The following CTRC variants were observed in gnomAD, a reference collection of about 807,000 sequenced individuals.
CTRC encodes chymotrypsin C.
In CTRC, 32 loss-of-function variants were observed where a neutral mutation model predicts 35.7. The ratio of observed to expected loss-of-function variants is 0.90; its 90% confidence interval spans 0.68 to 1.20. The LOEUF is 1.20. Ranked by LOEUF, CTRC falls within the 50% of genes most tolerant of loss-of-function variation. CTRC has a pLI of 0.00. For missense variants in CTRC, 324 were observed against 361.5 expected (o/e 0.90, Z 0.84); for synonymous variants, 119 against 149.5 (o/e 0.80, Z 1.49).
intron 1 of CTRC, 74 bp from the exon 2 acceptor site, chr1:15,440,226 G>GGCCCCCCCCC: frequency 1.3e-5 from 7 of 523,574 alleles, no homozygotes; most frequent in East Asian, 3.8e-5. Flanking sequence ...TCTTCCACCT[G>GGCCCCCCCCC]CCCACCCTCC....
chr1:15,445,871 C>CATTT lies in CTRC; in HGVS notation c.792+126_792+129dup, dbSNP rs1391381680. The CATTT allele has an allele frequency of 3.4e-6, 4 of 1,163,334 alleles. No homozygotes were observed. The African/African-American group carries it at 6.0e-5, about 17-fold the overall frequency. The allele number at this position is 1,163,334 out of a possible 1,614,324, so 72.1% of individuals were successfully genotyped here. ...TCATTCATTTATTCACTCATTCATG[C>CATTT]ATTTATTCACTCATTCATGCATTCA... On this transcript the variant is annotated intron_variant, in intron 7 of 7. Transcript: ENST00000375949.
At chr1:15,446,484 C>G in intron 7 of CTRC, 91 bp from the exon 8 acceptor site, 1 of 1,319,790 alleles carries the variant, frequency 7.6e-7, no homozygotes, top group Non-Finnish European at 1.1e-6. Flanking sequence ...GCTGGCCATG[C>G]CCCCATGGAC....
At position 15,447,694 on chromosome 1, in the gene CTRC, C is replaced by T. The variant is rs1331695738; in HGVS notation, c.*1105C>T. The T allele has an allele frequency of 6.5e-6, 1 of 152,702 alleles. No homozygotes were observed. Among genetic ancestry groups the T allele is most frequent in the Non-Finnish European group, 1.5e-5 (1 of 68,440 alleles). The allele number at this position is 152,702 out of a possible 1,614,324, so 9.5% of individuals were successfully genotyped here. On this transcript the variant is annotated 3_prime_UTR_variant, in exon 8 of 8. Transcript: ENST00000375949. ...GGTGCCCCCAGCCCAGCCTCTGGAC[C>T]CCTCGCTGGAGAGCCCTCGGCTGCA...
intron 7 of CTRC, 76 bp downstream of exon 7, chr1:15,445,825 C>T: frequency 1.2e-5 from 19 of 1,526,038 alleles, no homozygotes; most frequent in Non-Finnish European, 1.6e-5. Flanking sequence ...CACTCATTCA[C>T]TCATTCATGC....
chr1:15,442,640 G>A, intron 4 of CTRC, 68 bp downstream of exon 4: 1 of 1,605,204 alleles, frequency 6.2e-7, no homozygotes, highest in African/African-American at 1.3e-5. Context: ...CCAAGACGGA[G>A]CCGCAGAGCC....
rs965652684 is a variant in CTRC at position 15,448,494 on chromosome 1, A to G, written c.*1905A>G. 1.3e-5 allele frequency: 2 copies of G among 149,390 alleles called. No individual in the cohort carries two copies. Among genetic ancestry groups the G allele is most frequent in the Admixed American group, 6.7e-5 (1 of 14,984 alleles). 9.3% of individuals were successfully genotyped at this position (149,390 alleles called of 1,614,324 possible). A position where few individuals can be genotyped will look rare whatever the true frequency, so the allele number is the denominator to read the frequency against. ...GCTGGGACTACAGGCGCCAGCCACC[A>G]TGCCTGGCTAATTTTTTTTTTTTTT... On this transcript the variant is annotated 3_prime_UTR_variant, in exon 8 of 8. Coordinates refer to ENST00000375949, the MANE Select transcript of CTRC (RefSeq NM_007272.3).
At position 15,443,609 on chromosome 1, in the gene CTRC, C is replaced by T. The variant is rs961630472; in HGVS notation, c.493+54C>T. ...AGCCTTCCTGAAGGAAGCAGGACGT[C>T]ACCCACATTTGTCCACCACTTTGCC... is the stretch of plus-strand genomic sequence containing the variant. On this transcript the variant is annotated intron_variant, in intron 5 of 7. Coordinates refer to ENST00000375949, the MANE Select transcript of CTRC (RefSeq NM_007272.3). The T allele has an allele frequency of 2.1e-4, 336 of 1,611,134 alleles. 4 individuals are homozygous for T. The South Asian group carries it at 2.3e-3, about 11-fold the overall frequency.
In CTRC at chr1:15,443,449, G is replaced by A; in HGVS notation, c.387G>A (p.Glu129=). Residue 129 remains glutamate, a synonymous_variant, in exon 5 of 8, where the codon GAG becomes GAA. Coordinates refer to ENST00000375949, the MANE Select transcript of CTRC (RefSeq NM_007272.3). ...RNDIALIKLA[E]HVELSDTIQV... is the part of the protein sequence containing the mutation. ...ATATTGCCCTCATCAAGCTTGCAGA[G>A]CATGTGGAGCTGAGTGACACCATCC... 1 of 1,614,220 alleles carries A rather than the reference G, an allele frequency of 6.2e-7. No individual in the cohort carries two copies. The highest frequency in any genetic ancestry group is 8.5e-7 in the Non-Finnish European group (1 of 1,180,042).
chr1:15,442,091 G>A (rs1159056497), intron 3 of CTRC, among the ~76,000 whole-genome samples: 9 of 152,126 alleles, frequency 5.9e-5, no homozygotes, highest in Admixed American at 5.9e-4. Flanking sequence ...ACAGGAGTAG[G>A]CCAGCGTACA....
rs749204330 is a variant in CTRC at position 15,444,730 on chromosome 1, T to A, written c.618T>A (p.Asp206Glu). Reference sequence around the variant, plus strand: ...AAACCATGGTGTGCGCTGGGGGCGATGGCGTCATCTCAGCCTGCAATGTGA... The same window carrying A: ...AAACCATGGTGTGCGCTGGGGGCGAAGGCGTCATCTCAGCCTGCAATGTGA... ...VKKTMVCAGG[D>E]GVISACNGDS... The change falls in exon 6 of 8, where the codon GAT (aspartate) becomes GAA (glutamate). Residue 206 changes from aspartate (D) to glutamate (E), a missense_variant. Asp to Glu is a conservative substitution (Grantham distance 45). Transcript: ENST00000375949. 34 of 1,614,084 alleles carry A rather than the reference T, an allele frequency of 2.1e-5. No individual in the cohort carries two copies. The highest frequency in any genetic ancestry group is 2.7e-5 in the Non-Finnish European group (32 of 1,180,042).
Position 15,447,099 on chromosome 1 carries a change from C to G in CTRC, c.*510C>G. 3.9e-6 allele frequency: 1 copy of G among 256,618 alleles called. No individual in the cohort carries two copies. Among genetic ancestry groups the G allele is most frequent in the East Asian group, 1.0e-4 (1 of 9,800 alleles). 15.9% of individuals were successfully genotyped at this position (256,618 alleles called of 1,614,324 possible). ...AGAGACCAGGCCACAGGAGGATGGC[C>G]AAAGCTCAGGGACAACCACTCCTGG... is the stretch of plus-strand genomic sequence containing the variant. On this transcript the variant is annotated 3_prime_UTR_variant, in exon 8 of 8. Coordinates refer to ENST00000375949, the MANE Select transcript of CTRC (RefSeq NM_007272.3).
intron 1 of CTRC, among the ~76,000 whole-genome samples, chr1:15,438,919 T>C (rs1011980698): frequency 6.6e-6 from 1 of 152,198 alleles, no homozygotes; most frequent in Non-Finnish European, 1.5e-5. Context: ...TAAATGCCAC[T>C]TCTTCTCTGC....
rs780050276 is a variant in CTRC at position 15,444,650 on chromosome 1, G to A, written c.538G>A (p.Val180Met). The change falls in exon 6 of 8, where the codon GTG becomes ATG. Residue 180 changes from valine to methionine, a missense_variant. Physicochemically the swap from Val to Met is conservative, Grantham distance 21. Transcript: ENST00000375949. ...TAAGCTGCAGCAGGGCCTGCAGCCC[G>A]TGGTGGATCACGCCACGTGCTCCAG... ...ADKLQQGLQPVVDHATCSRID... is the reference protein window; with the variant it reads ...ADKLQQGLQPMVDHATCSRID... 1.8e-5 allele frequency: 29 copies of A among 1,614,100 alleles called. No homozygotes were observed. Among genetic ancestry groups the A allele is most frequent in the Middle Eastern group, 1.6e-4 (1 of 6,084 alleles).
At chr1:15,439,622 C>T (rs1182698995) in intron 1 of CTRC, among the ~76,000 whole-genome samples, 1 of 152,144 alleles carries the variant, frequency 6.6e-6, no homozygotes, top group African/African-American at 2.4e-5. Context: ...ACACAGCTTC[C>T]CAGCTATAAC....
chr1:15,442,616 G>A (rs369983225), intron 4 of CTRC, 44 bp downstream of exon 4: 128 of 1,612,316 alleles, frequency 7.9e-5, no homozygotes, highest in Non-Finnish European at 8.0e-5. Context: ...GGGGCAGTGT[G>A]GAAGGAGGGG....
In CTRC at chr1:15,448,047, A is replaced by G. The variant is rs1708246174; in HGVS notation, c.*1458A>G. 6.6e-6 allele frequency: 1 copy of G among 152,158 alleles called. No individual in the cohort carries two copies. Among genetic ancestry groups the G allele is most frequent in the Non-Finnish European group, 1.5e-5 (1 of 68,034 alleles). The allele number at this position is 152,158 out of a possible 1,614,324, so 9.4% of individuals were successfully genotyped here. A position where few individuals can be genotyped will look rare whatever the true frequency, so the allele number is the denominator to read the frequency against. ...TGTCAGTTGGCGGGAGGAATCCAGG[A>G]TGGCTTCCTGGAGGTGATGATGCCC... On this transcript the variant is annotated 3_prime_UTR_variant, in exon 8 of 8. Transcript: ENST00000375949.
Position 15,445,678 on chromosome 1 carries a change from CG to C in CTRC, c.725del (p.Gly242AlafsTer9), listed in dbSNP as rs781447617. ...VFGIVSFGSR[R>X]GCNTRKKPVV... Reference sequence around the variant, plus strand: ...TGGCATCGTCAGCTTTGGCTCCCGGCGGGGCTGCAACACCCGCAAGAAGCCG... The same window carrying C: ...TGGCATCGTCAGCTTTGGCTCCCGGCGGGCTGCAACACCCGCAAGAAGCCG... On this transcript the variant is annotated frameshift_variant, in exon 7 of 8. Transcript: ENST00000375949. LOFTEE classifies it high-confidence loss of function. The C allele has an allele frequency of 1.1e-5, 18 of 1,614,180 alleles. 1 individual carries two copies. The South Asian group carries it at 2.0e-4, about 18-fold the overall frequency.
At chr1:15,439,103 C>A (rs1403557337) in intron 1 of CTRC, among the ~76,000 whole-genome samples, 2 of 152,068 alleles carry the variant, frequency 1.3e-5, no homozygotes, top group Non-Finnish European at 2.9e-5. Flanking sequence ...CATGTAGGAG[C>A]CAATTTAATC....
chr1:15,442,350 C>A, intron 3 of CTRC, 97 bp from the exon 4 acceptor site: 1 of 1,471,072 alleles, frequency 6.8e-7, no homozygotes. Flanking sequence ...CTCTCTTCCC[C>A]CAAAATGAGT....
Sources: allele counts gnomAD v4.1 joint callset (sites outside exome capture counted in the v4.1 genomes callset), GRCh38; gene constraint gnomAD v4.1.1; transcripts MANE v1.5; gene names NCBI Gene and HGNC (gene_info 2026-07-23, HGNC 2026-07-21).